Variants in GLRX2 observed in about 807,000 individuals in gnomAD.
GLRX2 encodes glutaredoxin 2.
GLRX2 carries 12 observed loss-of-function variants against 16.4 expected under a neutral mutation model. The ratio of observed to expected loss-of-function variants is 0.73; its 90% CI spans 0.47 to 1.19. The LOEUF (loss-of-function observed/expected upper bound fraction) is 1.19, where lower values mean the gene tolerates loss of function less well. Among genes scored for constraint, GLRX2 ranks in the 50% most tolerant of loss-of-function variants. The pLI, the probability that GLRX2 is intolerant of heterozygous loss-of-function variation, is 0.00. For missense variants in GLRX2, 201 were observed against 201.8 expected, an observed-to-expected ratio of 1.00 and a Z score of 0.02; for synonymous variants, 95 against 76.2, an observed-to-expected ratio of 1.25 and a Z score of -1.28.
At chr1:193,097,308 A>G (rs35995477) in intron 3 of GLRX2, among the ~76,000 whole-genome samples, 1,876 of 152,378 alleles carry the variant, frequency 0.012, 20 homozygotes, top group South Asian at 0.034. Context: ...GAATACTTTC[A>G]TCTTGCCAAG....
chr1:193,105,094 T>C (rs1675159370), intron 1 of GLRX2, 170 bp downstream of exon 1: 1 of 679,528 alleles, frequency 1.5e-6, no homozygotes, highest in Admixed American at 6.3e-5. Context: ...AGGGCACCCT[T>C]CCCTGCCCAT....
At chr1:193,101,097 T>C in intron 2 of GLRX2, 44 bp downstream of exon 2, 2 of 1,269,128 alleles carry the variant, frequency 1.6e-6, no homozygotes, top group Non-Finnish European at 2.3e-6. Flanking sequence ...GACAATTCTT[T>C]TTCTACAGAG....
chr1:193,104,108 G>A (rs936526918), intron 1 of GLRX2, among the ~76,000 whole-genome samples: 1 of 152,162 alleles, frequency 6.6e-6, no homozygotes, highest in Non-Finnish European at 1.5e-5. Context: ...TACTGAAGGA[G>A]CTCCAATAGA....
In GLRX2 at chr1:193,105,347, C is replaced by T. The variant is rs1301544989; in HGVS notation, c.36G>A (p.Arg12=). The change falls in exon 1 of 4, where the codon CGG becomes CGA. Residue 12 remains arginine, a synonymous_variant. Transcript: ENST00000367439. ...CCGAGCCGCTCCTGCTCCAAACCAG[C>T]CGCGTCCCCGCCAGCGCCGCGCGGC... ...IWRRAALAGT[R]LVWSRSGSAG... 6.5e-7 allele frequency: 1 copy of T among 1,547,472 alleles called. No individual in the cohort carries two copies. Among genetic ancestry groups the T allele is most frequent in the Non-Finnish European group, 8.6e-7 (1 of 1,156,776 alleles).
chr1:193,105,224 G>A (rs768366065), intron 1 of GLRX2, 40 bp downstream of exon 1: 415 of 1,529,518 alleles, frequency 2.7e-4, no homozygotes, highest in Admixed American at 3.6e-4. Flanking sequence ...CGCAAGGCCT[G>A]CGCACCACGC....
At chr1:193,097,829 T>C in intron 2 of GLRX2, 69 bp from the exon 3 acceptor site, 1 of 1,146,042 alleles carries the variant, frequency 8.7e-7, no homozygotes, top group Non-Finnish European at 1.2e-6. Flanking sequence ...TAAGATATAA[T>C]GGAAAGGGTA....
chr1:193,105,456 G>A (rs1048114120), upstream of GLRX2: 17 of 1,445,204 alleles, frequency 1.2e-5, no homozygotes, highest in African/African-American at 1.5e-4. Flanking sequence ...CCTCCGGCCC[G>A]GCCCCCGCCT....
chr1:193,105,091 C>A (rs1675159265), intron 1 of GLRX2, 173 bp downstream of exon 1: 5 of 649,080 alleles, frequency 7.7e-6, no homozygotes, highest in Admixed American at 6.3e-5. Context: ...CGGAGGGCAC[C>A]CTTCCCTGCC....
intron 2 of GLRX2, among the ~76,000 whole-genome samples, chr1:193,098,527 A>T (rs565398973): frequency 6.6e-6 from 1 of 152,086 alleles, no homozygotes; most frequent in South Asian, 2.1e-4. Context: ...GTCTCAAAAC[A>T]AACAAACAAA....
At position 193,097,711 on chromosome 1, in the gene GLRX2, G is replaced by A; in HGVS notation, c.233C>T (p.Ser78Phe). The change falls in exon 3 of 4, where the codon TCT (serine) becomes TTT (phenylalanine). Residue 78 changes from serine (S) to phenylalanine (F), a missense_variant. Ser to Phe is a radical substitution (Grantham distance 155). Transcript: ENST00000367439. ...AAGCTTTTTTGCCATTGTACAGTAA[G>A]AACAGGATGTTTTTGAGAAAATCAC... ...CVVIFSKTSC[S>F]YCTMAKKLFH... is the part of the protein sequence containing the mutation. The A allele has an allele frequency of 6.2e-7, 1 of 1,603,526 alleles. No homozygotes were observed. The highest frequency in any genetic ancestry group is 8.5e-7 in the Non-Finnish European group (1 of 1,176,602).
intron 2 of GLRX2, among the ~76,000 whole-genome samples, chr1:193,100,441 T>C (rs1006655433): frequency 1.3e-5 from 2 of 152,182 alleles, no homozygotes. Context: ...ACCACTGCAC[T>C]CTGGCCTGGG....
intron 1 of GLRX2, 146 bp downstream of exon 1, chr1:193,105,118 C>T: frequency 7.9e-7 from 1 of 1,273,574 alleles, no homozygotes; most frequent in Non-Finnish European, 1.0e-6. Context: ...TCGAGCGCCT[C>T]TGCGTGTTAT....
chr1:193,097,760 C>G lies in GLRX2; in HGVS notation c.184G>C (p.Glu62Gln), dbSNP rs769990885. 6.4e-7 allele frequency: 1 copy of G among 1,569,572 alleles called. No individual in the cohort carries two copies. Among genetic ancestry groups the G allele is most frequent in the South Asian group, 1.2e-5 (1 of 84,444 alleles). ...LATAPVNQIQETISDNCVVIF... is the reference protein window; with the variant it reads ...LATAPVNQIQQTISDNCVVIF... Reference sequence around the variant, plus strand: ...ACCACACAATTATCAGAAATTGTTTCCTGAAATAAAACCACAAAAAATCAT... The same window carrying G: ...ACCACACAATTATCAGAAATTGTTTGCTGAAATAAAACCACAAAAAATCAT... The change falls in exon 3 of 4, where the codon GAA (glutamate) becomes CAA (glutamine). Residue 62 changes from glutamate (E) to glutamine (Q), a missense_variant and splice_region_variant. Physicochemically the swap from Glu to Gln is conservative, Grantham distance 29. Transcript: ENST00000367439.
At chr1:193,102,296 TTTTG>T (rs1363365999) in intron 1 of GLRX2, among the ~76,000 whole-genome samples, 14 of 152,288 alleles carry the variant, frequency 9.2e-5, no homozygotes, top group African/African-American at 3.1e-4. Context: ...ACTTTTTATG[TTTTG>T]TTTAATTTTT....
intron 1 of GLRX2, among the ~76,000 whole-genome samples, chr1:193,102,911 T>C (rs1226852578): frequency 6.6e-6 from 1 of 152,112 alleles, no homozygotes; most frequent in African/African-American, 2.4e-5. Context: ...TTGTCCAGCA[T>C]ATGGACTCTG....
chr1:193,097,525 C>CT (rs1315994275), intron 3 of GLRX2, 59 bp downstream of exon 3: 4 of 1,331,786 alleles, frequency 3.0e-6, no homozygotes, highest in Non-Finnish European at 4.0e-6. Flanking sequence ...GTTCTAGGCT[C>CT]TGGGTGATCT....
chr1:193,102,643 G>A (rs913505134), intron 1 of GLRX2, among the ~76,000 whole-genome samples: 3 of 152,074 alleles, frequency 2.0e-5, no homozygotes, highest in African/African-American at 7.2e-5. Flanking sequence ...GTAAGCCACC[G>A]CGCCTGGCCT....
chr1:193,096,710 G>A lies in GLRX2; in HGVS notation c.410C>T (p.Thr137Ile). ...TTTTCCTTCTTTGTGAAGCCTATGA[G>A]TGTCAGTTGCACCTCCAATAAAAGT... ...NGTFIGGATD[T>I]HRLHKEGKLL... The change falls in exon 4 of 4, where the codon ACT (threonine) becomes ATT (isoleucine). Residue 137 changes from threonine (T) to isoleucine (I), a missense_variant. Thr to Ile is a moderately conservative substitution (Grantham distance 89, BLOSUM62 -1). Coordinates refer to ENST00000367439, the MANE Select transcript of GLRX2 (RefSeq NM_197962.3). 1 of 1,608,498 alleles carries A rather than the reference G, an allele frequency of 6.2e-7. No individual in the cohort carries two copies. The highest frequency in any genetic ancestry group is 1.1e-5 in the South Asian group (1 of 90,800).
chr1:193,097,419 C>G (rs1372125169), intron 3 of GLRX2, among the ~76,000 whole-genome samples, 165 bp downstream of exon 3: 1 of 152,194 alleles, frequency 6.6e-6, no homozygotes, highest in Non-Finnish European at 1.5e-5. Flanking sequence ...TAAAATAAAT[C>G]AACTCTGCTG....
Sources: allele counts gnomAD v4.1 joint callset (sites outside exome capture counted in the v4.1 genomes callset), GRCh38; gene constraint gnomAD v4.1.1; transcripts MANE v1.5; gene names NCBI Gene and HGNC (gene_info 2026-07-23, HGNC 2026-07-21).